Variants in BBS9 observed in about 807,000 individuals in gnomAD.
BBS9 encodes protein PTHB1.
A neutral mutation model predicts 117.7 loss-of-function variants in BBS9; 89 were observed. The ratio of observed to expected loss-of-function variants is 0.76; its 90% CI spans 0.64 to 0.90. The LOEUF (loss-of-function observed/expected upper bound fraction) is 0.90, where lower values mean the gene tolerates loss of function less well. BBS9 is among the 40% of genes least tolerant of loss of function. BBS9 has a pLI of 0.00. For synonymous variants in BBS9, 379 were observed against 370.9 expected (o/e 1.02, Z -0.25); for missense variants, 982 against 1,042.2 (o/e 0.94, Z 0.80).
chr7:33,295,246 A>C (rs143016415), intron 9 of BBS9, among the ~76,000 whole-genome samples: 3 of 152,196 alleles, frequency 2.0e-5, no homozygotes, highest in African/African-American at 7.2e-5. Context: ...TAATTTCCTG[A>C]TATTTTTCTC....
chr7:33,302,962 A>G (rs746559840), intron 9 of BBS9, among the ~76,000 whole-genome samples: 218 of 152,244 alleles, frequency 1.4e-3, no homozygotes, highest in Middle Eastern at 3.4e-3. Flanking sequence ...AATGTTTTAT[A>G]GTTTTCATTG....
intron 19 of BBS9, among the ~76,000 whole-genome samples, chr7:33,410,660 C>T (rs1019979334): frequency 5.9e-5 from 9 of 152,158 alleles, no homozygotes; most frequent in African/African-American, 2.2e-4. Context: ...CGTTATTTCT[C>T]TTTAAGATCA....
intron 21 of BBS9, among the ~76,000 whole-genome samples, chr7:33,542,496 T>C (rs28869282): frequency 0.46 from 69,858 of 151,802 alleles, 16,689 homozygotes; most frequent in South Asian, 0.57. Context: ...ACTCTTTCCC[T>C]CAAGTCCCCA....
chr7:33,456,747 C>A (rs6961060), intron 19 of BBS9, among the ~76,000 whole-genome samples: 13,813 of 152,140 alleles, frequency 0.091, 665 homozygotes, highest in South Asian at 0.14. Context: ...TAAATAATAT[C>A]CCTACATCTC....
intron 19 of BBS9, among the ~76,000 whole-genome samples, chr7:33,464,217 G>A (rs111544429): frequency 0.02 from 3,053 of 152,108 alleles, 51 homozygotes; most frequent in Non-Finnish European, 0.03. Flanking sequence ...TATCAGAAAA[G>A]CTAGGTCAAG....
intron 20 of BBS9, among the ~76,000 whole-genome samples, chr7:33,533,074 C>G (rs1366938681): frequency 6.6e-6 from 1 of 152,154 alleles, no homozygotes; most frequent in African/African-American, 2.4e-5. Flanking sequence ...CTGGGAGCCT[C>G]TGGGGATGCC....
intron 19 of BBS9, among the ~76,000 whole-genome samples, chr7:33,451,467 A>G (rs60902947): frequency 0.045 from 6,883 of 152,226 alleles, 206 homozygotes; most frequent in East Asian, 0.14. Context: ...TTCACCCACT[A>G]TGTAGTCTTG....
intron 4 of BBS9, among the ~76,000 whole-genome samples, chr7:33,164,508 G>A (rs1269626378): frequency 2.0e-5 from 3 of 152,150 alleles, no homozygotes; most frequent in South Asian, 2.1e-4. Flanking sequence ...ATGAATCTGG[G>A]TGCTCCAGTA....
Position 33,548,961 on chromosome 7 carries a change from A to G in BBS9, c.2521+14785A>G, listed in dbSNP as rs932705271. ...CATATGCAACCAAAAAAGAGCCTGC[A>G]TCACCAAGGCAATCCTAAGCCAAAA... On this transcript the variant is annotated intron_variant, in intron 21 of 22. Coordinates refer to ENST00000242067, the MANE Select transcript of BBS9 (RefSeq NM_198428.3). Among the ~76,000 whole-genome samples, 15 of 151,608 alleles carry G rather than the reference A, an allele frequency of 9.9e-5. 1 individual carries two copies. The highest frequency in any genetic ancestry group is 3.7e-4 in the African/African-American group (15 of 41,050).
At chr7:33,312,050 A>G (rs1040450817) in intron 9 of BBS9, among the ~76,000 whole-genome samples, 5 of 152,230 alleles carry the variant, frequency 3.3e-5, no homozygotes, top group African/African-American at 1.2e-4. Context: ...GCCACACTGC[A>G]CTTGCAATGA....
At chr7:33,593,377 T>G (rs1862240190) in intron 21 of BBS9, among the ~76,000 whole-genome samples, 2 of 152,174 alleles carry the variant, frequency 1.3e-5, no homozygotes. Context: ...GATTGAAGAC[T>G]TTAACAAAAT....
intron 3 of BBS9, among the ~76,000 whole-genome samples, chr7:33,153,486 A>G (rs1312618607): frequency 6.6e-6 from 1 of 152,194 alleles, no homozygotes; most frequent in African/African-American, 2.4e-5. Flanking sequence ...GTATTTCTTC[A>G]TCATTTAGAA....
At chr7:33,350,962 G>C (rs1313116241) in intron 13 of BBS9, among the ~76,000 whole-genome samples, 5 of 152,088 alleles carry the variant, frequency 3.3e-5, no homozygotes, top group African/African-American at 1.2e-4. Flanking sequence ...CCAAAGTGTT[G>C]GGATTACAGG....
chr7:33,589,271 G>A (rs1366505279), intron 21 of BBS9, among the ~76,000 whole-genome samples: 1 of 152,138 alleles, frequency 6.6e-6, no homozygotes, highest in African/African-American at 2.4e-5. Flanking sequence ...CAGCATGGAT[G>A]TGCTGAACAA....
At chr7:33,442,202 G>A (rs1005560984) in intron 19 of BBS9, among the ~76,000 whole-genome samples, 1 of 152,126 alleles carries the variant, frequency 6.6e-6, no homozygotes, top group Non-Finnish European at 1.5e-5. Flanking sequence ...GCTGGCGTAT[G>A]CTTCTAAGAA....
rs372598206 is a variant in BBS9, at chr7:33,163,194, G to A, written c.328+7492G>A. Among the ~76,000 whole-genome samples, 6 of 152,254 alleles carry A rather than the reference G, an allele frequency of 3.9e-5. No homozygotes were observed. The East Asian group carries it at 7.7e-4, about 20-fold the overall frequency. On this transcript the variant is annotated intron_variant, in intron 4 of 22. Transcript: ENST00000242067. ...GGGATGAAGCTGACTTGATCGTGGT[G>A]GATAAACTTTTTGATGTGCTGCTGG...
chr7:33,356,056 G>C (rs541400473), intron 15 of BBS9, among the ~76,000 whole-genome samples: 2 of 151,842 alleles, frequency 1.3e-5, no homozygotes, highest in African/African-American at 4.8e-5. Context: ...TGCCTGTACA[G>C]AATTGTCAGA....
chr7:33,271,935 C>G (rs189960153), intron 7 of BBS9, among the ~76,000 whole-genome samples: 204 of 152,240 alleles, frequency 1.3e-3, no homozygotes, highest in Middle Eastern at 0.01. Context: ...AGCACATACT[C>G]TAAAATAAAC....
At chr7:33,468,513 A>T (rs1306449636) in intron 19 of BBS9, among the ~76,000 whole-genome samples, 2 of 152,198 alleles carry the variant, frequency 1.3e-5, no homozygotes, top group Non-Finnish European at 2.9e-5. Context: ...AATATTTATC[A>T]TTTCTTTGTG....
Sources: allele counts gnomAD v4.1 joint callset (sites outside exome capture counted in the v4.1 genomes callset), GRCh38; gene constraint gnomAD v4.1.1; transcripts MANE v1.5; gene names NCBI Gene and HGNC (gene_info 2026-07-23, HGNC 2026-07-21).